The following KCNN2 variants were observed in gnomAD, a reference collection of about 807,000 sequenced individuals.
The protein encoded by KCNN2 is small conductance calcium-activated potassium channel protein 2.
KCNN2 carries 24 observed loss-of-function variants against 55.5 expected under a neutral mutation model. The observed-to-expected ratio is 0.43, with a 90% CI of 0.31 to 0.61. KCNN2 has a LOEUF of 0.61. KCNN2 is among the 20% of genes least tolerant of loss of function. KCNN2 has a pLI of 0.08. For missense variants in KCNN2, 754 were observed against 853.6 expected, an observed-to-expected ratio of 0.88 and a Z score of 1.45; for synonymous variants, 431 against 336.1, an observed-to-expected ratio of 1.28 and a Z score of -3.09.
intron 1 of KCNN2, among the ~76,000 whole-genome samples, chr5:114,144,095 CT>C (rs1372119162): frequency 1.3e-5 from 2 of 152,168 alleles, no homozygotes; most frequent in Non-Finnish European, 2.9e-5. Context: ...CCTCAAAAAT[CT>C]GTTCTTTTAG....
chr5:114,294,413 A>G (rs1755964017), intron 2 of KCNN2, among the ~76,000 whole-genome samples: 1 of 152,242 alleles, frequency 6.6e-6, no homozygotes, highest in Admixed American at 6.5e-5. Context: ...CGTTGGTTTC[A>G]AAGAACATCT....
At chr5:114,222,860 T>C (rs918907630) in intron 2 of KCNN2, among the ~76,000 whole-genome samples, 2 of 152,170 alleles carry the variant, frequency 1.3e-5, no homozygotes, top group African/African-American at 2.4e-5. Flanking sequence ...ATCTGCAGTC[T>C]TTGATTATTG....
rs1238891027 is a variant in KCNN2, at chr5:114,135,663, C to T, written c.-271+79163C>T. On this transcript the variant is annotated intron_variant, in intron 1 of 10. Transcript: ENST00000512097. ...TTCCAGTTAGTTTTTCTGATGTGAG[C>T]AGATAGGCAATAGTTAACAGACATC... Among the ~76,000 whole-genome samples the T allele has an allele frequency of 2.0e-5, 3 of 152,258 alleles. No individual in the cohort carries two copies. In the South Asian group the frequency reaches 6.2e-4, roughly 32 times the overall value.
chr5:114,453,911 C>G (rs781539027), intron 3 of KCNN2, among the ~76,000 whole-genome samples: 1 of 151,914 alleles, frequency 6.6e-6, no homozygotes, highest in Admixed American at 6.6e-5. Context: ...ACCTGTCAAC[C>G]CGTCATCTAG....
chr5:114,462,970 G>A (rs999241785), intron 3 of KCNN2, 79 bp from the exon 4 acceptor site: 53 of 1,353,458 alleles, frequency 3.9e-5, no homozygotes, highest in African/African-American at 1.0e-4. Context: ...CAGTAAATTC[G>A]TTGAATTGAA....
chr5:114,432,106 A>C (rs1759813278), intron 3 of KCNN2, among the ~76,000 whole-genome samples: 2 of 152,224 alleles, frequency 1.3e-5, no homozygotes, highest in African/African-American at 4.8e-5. Context: ...GGTGGTCCTC[A>C]ATTCAACTAC....
At chr5:114,063,207 A>G (rs375826934) in intron 1 of KCNN2, among the ~76,000 whole-genome samples, 2 of 152,184 alleles carry the variant, frequency 1.3e-5, no homozygotes, top group East Asian at 3.8e-4. Context: ...CCTCAGACAA[A>G]TGACTGACAA....
intron 2 of KCNN2, among the ~76,000 whole-genome samples, chr5:114,364,513 T>TA (rs943572478): frequency 3.3e-5 from 5 of 151,592 alleles, no homozygotes; most frequent in Non-Finnish European, 5.9e-5. Flanking sequence ...CCCCCACCAT[T>TA]AAAAAAAACT....
chr5:114,388,548 C>G (rs1033020832), intron 2 of KCNN2, among the ~76,000 whole-genome samples: 3 of 152,086 alleles, frequency 2.0e-5, no homozygotes, highest in Non-Finnish European at 4.4e-5. Context: ...ATGTTGATAA[C>G]TATAATTATA....
At chr5:114,447,076 G>C (rs1813839) in intron 3 of KCNN2, among the ~76,000 whole-genome samples, 92,579 of 152,066 alleles carry the variant, frequency 0.61, 31,442 homozygotes, top group East Asian at 0.96. Context: ...AAGTTATTTT[G>C]AACAGTGCTG....
chr5:114,353,546 T>A (rs958344048), intron 2 of KCNN2, among the ~76,000 whole-genome samples: 3 of 151,920 alleles, frequency 2.0e-5, no homozygotes, highest in African/African-American at 7.2e-5. Context: ...CTGGCGCTCT[T>A]TTTCTGTGTG....
At chr5:114,159,343 G>C (rs1752713472) in intron 1 of KCNN2, among the ~76,000 whole-genome samples, 1 of 152,166 alleles carries the variant, frequency 6.6e-6, no homozygotes, top group Non-Finnish European at 1.5e-5. Flanking sequence ...TTGCATCCCA[G>C]GGATGAAGCC....
intron 1 of KCNN2, among the ~76,000 whole-genome samples, chr5:114,140,666 T>C (rs921646339): frequency 2.6e-5 from 4 of 151,754 alleles, no homozygotes; most frequent in African/African-American, 7.2e-5. Context: ...TTTGGTTTTT[T>C]TCTATGTATT....
intron 2 of KCNN2, among the ~76,000 whole-genome samples, chr5:114,372,724 A>T (rs1580760449): frequency 6.6e-6 from 1 of 152,130 alleles, no homozygotes; most frequent in Admixed American, 6.6e-5. Context: ...ATGTATTTAT[A>T]TAAAGTATAT....
chr5:114,462,729 C>T (rs757549471), intron 3 of KCNN2, among the ~76,000 whole-genome samples: 4 of 152,156 alleles, frequency 2.6e-5, no homozygotes, highest in Admixed American at 6.5e-5. Context: ...GGCACATCAG[C>T]TAGGCAAGGA....
intron 1 of KCNN2, among the ~76,000 whole-genome samples, chr5:114,145,836 C>T (rs762291388): frequency 1.6e-4 from 24 of 152,042 alleles, no homozygotes; most frequent in Admixed American, 3.9e-4. Context: ...GAGGGTGAGC[C>T]GGACCTGGAC....
chr5:114,306,700 C>CTTTTTTTTTTTTTTTTTTTTT (rs1245549186), intron 2 of KCNN2, among the ~76,000 whole-genome samples: 1 of 115,522 alleles, frequency 8.7e-6, no homozygotes, highest in African/African-American at 3.3e-5. Flanking sequence ...TTTTTTTTTT[C>CTTTTTTTTTTTTTTTTTTTTT]TTTTTTTTTT....
intron 2 of KCNN2, among the ~76,000 whole-genome samples, chr5:114,226,919 A>G (rs1014908297): frequency 1.3e-5 from 2 of 151,318 alleles, no homozygotes; most frequent in Admixed American, 1.3e-4. Flanking sequence ...AAAAAAAAAA[A>G]AAGAAATATT....
intron 5 of KCNN2, among the ~76,000 whole-genome samples, chr5:114,484,311 C>T (rs1347679396): frequency 6.6e-6 from 1 of 152,060 alleles, no homozygotes; most frequent in Admixed American, 6.5e-5. Flanking sequence ...ACAAAGGAAA[C>T]TTTCCCTCCA....
Sources: allele counts gnomAD v4.1 joint callset (sites outside exome capture counted in the v4.1 genomes callset), GRCh38; gene constraint gnomAD v4.1.1; transcripts MANE v1.5; gene names NCBI Gene and HGNC (gene_info 2026-07-23, HGNC 2026-07-21).